Variants in PAOX observed in about 807,000 individuals in gnomAD.
PAOX encodes the protein peroxisomal N(1)-acetyl-spermine/spermidine oxidase.
Under a neutral mutation model 39.0 loss-of-function variants are expected in PAOX, and 38 were observed. The ratio of observed to expected loss-of-function variants is 0.97; its 90% CI spans 0.75 to 1.28. The LOEUF is 1.28. Ranked by LOEUF, PAOX falls within the 50% of genes most tolerant of loss-of-function variation. The pLI is 0.00. For missense variants in PAOX, 667 were observed against 685.7 expected (o/e 0.97, Z 0.30); for synonymous variants, 311 against 314.4 (o/e 0.99, Z 0.11).
chr10:133,381,412 C>G (rs377766431), intron 2 of PAOX, 48 bp from the exon 3 acceptor site: 769 of 1,569,888 alleles, frequency 4.9e-4, no homozygotes, highest in Non-Finnish European at 6.5e-4. Context: ...CCAGTCCTGC[C>G]CTTCCAGGGA....
chr10:133,379,706 TACGGCTCC>T, intron 1 of PAOX: 1 of 539,716 alleles, frequency 1.9e-6, no homozygotes, highest in Non-Finnish European at 2.9e-6. Context: ...GAAGGCGACC[TACGGCTCC>T]ACAAGGCCGC....
intron 1 of PAOX, 152 bp downstream of exon 1, chr10:133,379,649 G>T (rs1344421712): frequency 1.5e-6 from 1 of 681,362 alleles, no homozygotes; most frequent in Non-Finnish European, 2.1e-6. Flanking sequence ...AGAGTTCACC[G>T]CCCCGAAACT....
At chr10:133,388,548 G>A (rs180683568) in intron 4 of PAOX, among the ~76,000 whole-genome samples, 99 of 152,382 alleles carry the variant, frequency 6.5e-4, no homozygotes, top group Non-Finnish European at 3.1e-4. Flanking sequence ...GTTGCTGCCT[G>A]ATTCTGCTAA....
At chr10:133,385,138 A>G (rs570660716) in intron 4 of PAOX, among the ~76,000 whole-genome samples, 2 of 152,286 alleles carry the variant, frequency 1.3e-5, no homozygotes, top group African/African-American at 4.8e-5. Flanking sequence ...TCTACTAAAA[A>G]TACAAAAAAT....
At position 133,380,732 on chromosome 10, in the gene PAOX, C is replaced by T. The variant is rs192485306; in HGVS notation, c.668+247C>T. On this transcript the variant is annotated intron_variant, in intron 2 of 6. Transcript: ENST00000278060. ...CGGTGGCTCACGCCTGTAATCCCAG[C>T]ACTTTGGGAGGCTGAGGCAGGTGGA... 8.0e-3 allele frequency among the ~76,000 whole-genome samples: 1,222 copies of T among 152,332 alleles called. 16 individuals carry two copies. The highest frequency in any genetic ancestry group is 0.028 in the African/African-American group (1,174 of 41,576).
chr10:133,383,941 G>A lies in PAOX; in HGVS notation c.869-19G>A, dbSNP rs370802478. On this transcript the variant is annotated intron_variant, in intron 3 of 6. Transcript: ENST00000278060. ...GAGGGCTTTATGTGATGTAAGAAGA[G>A]TCCAATTCTGAATTCCAGGTTTTCT... The A allele has an allele frequency of 3.7e-6, 6 of 1,606,998 alleles. No homozygotes were observed. In the East Asian group the frequency reaches 8.9e-5, roughly 24 times the overall value.
At chr10:133,385,013 C>T (rs541387381) in intron 4 of PAOX, among the ~76,000 whole-genome samples, 5 of 152,232 alleles carry the variant, frequency 3.3e-5, no homozygotes, top group Non-Finnish European at 7.4e-5. Flanking sequence ...ACTGGCATTT[C>T]GGCCAGGCGC....
intron 4 of PAOX, among the ~76,000 whole-genome samples, chr10:133,387,903 T>A (rs1362692345): frequency 6.6e-6 from 1 of 152,124 alleles, no homozygotes; most frequent in African/African-American, 2.4e-5. Flanking sequence ...GTATTTTTAT[T>A]AGACAGGGCT....
rs1849597615 is a variant in PAOX, at chr10:133,389,002, T to C, written c.1168T>C (p.Phe390Leu). Residue 390 changes from phenylalanine to leucine, a missense_variant, in exon 5 of 7, where the codon TTC (phenylalanine) becomes CTC (leucine). Physicochemically the swap from Phe to Leu is conservative, Grantham distance 22. Transcript: ENST00000278060. ...GTTCATTGCCGGACTTGAGTCTGAG[T>C]TCATGGAGACTCTGTCGGATGAAGA... ...CGFIAGLESEFMETLSDEEVL... is the reference protein window; with the variant it reads ...CGFIAGLESELMETLSDEEVL... The C allele has an allele frequency of 1.2e-6, 2 of 1,613,942 alleles. No individual in the cohort carries two copies. The highest frequency in any genetic ancestry group is 1.7e-6 in the Non-Finnish European group (2 of 1,180,016).
chr10:133,389,240 G>A (rs1849605224), intron 5 of PAOX, among the ~76,000 whole-genome samples, 172 bp downstream of exon 5: 2 of 152,222 alleles, frequency 1.3e-5, no homozygotes, highest in Admixed American at 1.3e-4. Context: ...TACCTCCGAG[G>A]AACTGAAATG....
intron 4 of PAOX, among the ~76,000 whole-genome samples, chr10:133,385,749 A>G (rs1340337215): frequency 6.6e-6 from 1 of 151,782 alleles, no homozygotes; most frequent in Non-Finnish European, 1.5e-5. Context: ...ACGCCCGGCT[A>G]ATTGTTTGTA....
At chr10:133,380,522 C>G (rs1180843527) in intron 2 of PAOX, 37 bp downstream of exon 2, 4 of 1,552,036 alleles carry the variant, frequency 2.6e-6, no homozygotes, top group South Asian at 1.2e-5. Context: ...AGTCCTCCCA[C>G]CAGGCTCCCC....
At chr10:133,382,510 G>A (rs906634788) in intron 3 of PAOX, among the ~76,000 whole-genome samples, 1 of 152,168 alleles carries the variant, frequency 6.6e-6, no homozygotes, top group Non-Finnish European at 1.5e-5. Context: ...GGCTGGGCAC[G>A]GTGGCTCACG....
chr10:133,384,101 A>G lies in PAOX; in HGVS notation c.1010A>G (p.Gln337Arg), dbSNP rs376605515. The G allele has an allele frequency of 4.3e-6, 7 of 1,614,094 alleles. No individual in the cohort carries two copies. The highest frequency in any genetic ancestry group is 5.9e-6 in the Non-Finnish European group (7 of 1,180,040). Residue 337 changes from glutamine to arginine, a missense_variant, in exon 4 of 7, where the codon CAG becomes CGG. By Grantham distance (43) the Gln-to-Arg change is conservative. Transcript: ENST00000278060. The surrounding 1 kb of genome is among the most constrained non-coding windows in gnomAD (Gnocchi z 4.3). ...FEEPFWEPDC[Q>R]LIQLVWEDTS... ...GAGCCCTTCTGGGAGCCAGACTGCC[A>G]GCTGATCCAGCTGGTGTGGGAGGAC...
rs1849675257 is a variant in PAOX, at chr10:133,391,318, A to G, written c.1399A>G (p.Ile467Val). 1 of 1,613,198 alleles carries G rather than the reference A, an allele frequency of 6.2e-7. No individual in the cohort carries two copies. The highest frequency in any genetic ancestry group is 1.7e-5 in the Admixed American group (1 of 59,976). ...CCCTGGCTCTTCTTTGCAGCTCCAGATCCTGTTTGCGGGGGAAGCCACACA... is the reference window on the plus strand; with the variant it reads ...CCCTGGCTCTTCTTTGCAGCTCCAGGTCCTGTTTGCGGGGGAAGCCACACA... ...PADGAGAQLQ[I>V]LFAGEATHRT... is the part of the protein sequence containing the mutation. The change falls in exon 7 of 7, where the codon ATC (isoleucine) becomes GTC (valine). Residue 467 changes from isoleucine (I) to valine (V), a missense_variant. By Grantham distance (29) the Ile-to-Val change is conservative. Transcript: ENST00000278060.
intron 4 of PAOX, among the ~76,000 whole-genome samples, chr10:133,385,444 C>T (rs1000427962): frequency 7.9e-5 from 10 of 126,100 alleles, no homozygotes; most frequent in Middle Eastern, 3.4e-3. Flanking sequence ...ATCAGTGGGA[C>T]CCTGAGTGCT....
chr10:133,379,839 TG>T, intron 1 of PAOX, 159 bp from the exon 2 acceptor site: 1 of 942,510 alleles, frequency 1.1e-6, no homozygotes, highest in Non-Finnish European at 1.5e-6. Flanking sequence ...CCCCTTAAAC[TG>T]GGTCTGACAG....
At chr10:133,381,221 G>A (rs929366209) in intron 2 of PAOX, among the ~76,000 whole-genome samples, 10 of 152,200 alleles carry the variant, frequency 6.6e-5, no homozygotes, top group Admixed American at 1.3e-4. Context: ...CCCTGGTTCC[G>A]GCAGATTGCC....
Position 133,391,601 on chromosome 10 carries a change from T to G in PAOX, c.*146T>G. The G allele has an allele frequency of 7.9e-7, 1 of 1,262,930 alleles. No individual in the cohort carries two copies. Among genetic ancestry groups the G allele is most frequent in the Non-Finnish European group, 1.1e-6 (1 of 931,604 alleles). 78.2% of individuals were successfully genotyped at this position (1,262,930 alleles called of 1,614,324 possible). A position where few individuals can be genotyped will look rare whatever the true frequency, so the allele number is the denominator to read the frequency against. On this transcript the variant is annotated 3_prime_UTR_variant, in exon 7 of 7. Coordinates refer to ENST00000278060, the MANE Select transcript of PAOX (RefSeq NM_152911.4). Reference sequence around the variant, plus strand: ...TAACCAGGGCCACCTTCTCAGTTCTTGTGTCTGTTATTGGAGTCTGGCCAG... The same window carrying G: ...TAACCAGGGCCACCTTCTCAGTTCTGGTGTCTGTTATTGGAGTCTGGCCAG...
Sources: gnomAD v4.1 joint callset for allele counts (sites outside exome capture counted in the v4.1 genomes callset) on GRCh38, gnomAD v4.1.1 for gene constraint, Gnocchi (gnomAD v3.1) non-coding constraint, MANE v1.5 for transcripts, NCBI Gene and HGNC (gene_info 2026-07-23, HGNC 2026-07-21) for gene names.